Variants in GPAM observed in about 807,000 individuals in gnomAD.
The protein encoded by GPAM is glycerol-3-phosphate acyltransferase, mitochondrial, also known as glycerol-3-phosphate acyltransferase 1, mitochondrial.
GPAM carries 56 observed loss-of-function variants against 105.0 expected under a neutral mutation model. The observed-to-expected ratio is 0.53, with a 90% CI of 0.43 to 0.67. GPAM has a LOEUF of 0.67. Ranked by LOEUF, GPAM falls within the 30% of genes least tolerant of loss-of-function variation. The probability of loss-of-function intolerance (pLI) is 0.00; values close to 1 mark genes in which losing one functional copy is unlikely to be tolerated. For missense variants in GPAM, 855 were observed against 989.8 expected, an observed-to-expected ratio of 0.86 and a Z score of 1.83; for synonymous variants, 368 against 354.4, an observed-to-expected ratio of 1.04 and a Z score of -0.43.
chr10:112,185,566 A>C (rs1847583754), upstream of GPAM, among the ~76,000 whole-genome samples: 1 of 96,516 alleles, frequency 1.0e-5, no homozygotes, highest in Admixed American at 1.2e-4. Flanking sequence ...TAACACACAC[A>C]CACAGACACA....
intron 12 of GPAM, among the ~76,000 whole-genome samples, 172 bp downstream of exon 12, chr10:112,166,230 G>T (rs1048965641): frequency 3.9e-5 from 6 of 152,008 alleles, no homozygotes; most frequent in African/African-American, 1.5e-4. Flanking sequence ...TTTGTCAATA[G>T]GCAAATTTTG....
chr10:112,175,591 C>T lies in GPAM; in HGVS notation c.413+9G>A, dbSNP rs767080113. The T allele has an allele frequency of 5.4e-6, 8 of 1,470,950 alleles. No individual in the cohort carries two copies. The highest frequency in any genetic ancestry group is 2.3e-5 in the South Asian group (2 of 88,220). The allele number at this position is 1,470,950 out of a possible 1,614,324, so 91.1% of individuals were successfully genotyped here. ...CTCTTCCCACCTTTACACCTTGCCCCGCCCTTACCTACTGCTGTTCAGCAC... is the reference window on the plus strand; with the variant it reads ...CTCTTCCCACCTTTACACCTTGCCCTGCCCTTACCTACTGCTGTTCAGCAC... On this transcript the variant is annotated intron_variant, in intron 6 of 21. Transcript: ENST00000348367.
chr10:112,199,980 G>T (rs978160387), intron 1 of GPAM, among the ~76,000 whole-genome samples: 5 of 151,818 alleles, frequency 3.3e-5, no homozygotes, highest in African/African-American at 1.2e-4. Flanking sequence ...ACATCACATT[G>T]TACACCATAA....
intron 15 of GPAM, 147 bp from the exon 16 acceptor site, chr10:112,161,015 C>T (rs769688396): frequency 2.2e-4 from 151 of 689,158 alleles, no homozygotes; most frequent in Non-Finnish European, 1.5e-4. Context: ...AACACCAATG[C>T]AGAGCGAGTC....
At chr10:112,173,586 T>C (rs1457984107) in intron 7 of GPAM, 113 bp downstream of exon 7, 3 of 1,062,040 alleles carry the variant, frequency 2.8e-6, no homozygotes, top group Admixed American at 3.5e-5. Flanking sequence ...TCAGGATTCA[T>C]TAAAACATCT....
rs1016091294 is a variant in GPAM, at chr10:112,180,467, T to A, written c.225+6A>T. On this transcript the variant is annotated splice_donor_region_variant and intron_variant, in intron 4 of 21. Coordinates refer to ENST00000348367, the MANE Select transcript of GPAM (RefSeq NM_001244949.2). Reference sequence around the variant, plus strand: ...TATTAGGGTCAATAAGCAGTAAGGTTCTTACCCAGCTCTGGGGAGTGCAGG... The same window carrying A: ...TATTAGGGTCAATAAGCAGTAAGGTACTTACCCAGCTCTGGGGAGTGCAGG... 1.9e-6 allele frequency: 3 copies of A among 1,613,518 alleles called. No individual in the cohort carries two copies. The highest frequency in any genetic ancestry group is 2.5e-6 in the Non-Finnish European group (3 of 1,179,560).
rs1229438409 is a variant in GPAM at position 112,163,793 on chromosome 10, C to T, written c.1331G>A (p.Gly444Asp). The T allele has an allele frequency of 6.3e-7, 1 of 1,590,406 alleles. No homozygotes were observed. The highest frequency in any genetic ancestry group is 1.7e-5 in the Admixed American group (1 of 59,998). Residue 444 changes from glycine (G) to aspartate (D), a missense_variant, in exon 14 of 22, where the codon GGT (glycine) becomes GAT (aspartate). Coordinates refer to ENST00000348367, the MANE Select transcript of GPAM (RefSeq NM_001244949.2). ...PSRPSDAADEGRDTSINESRN... is the reference protein window; with the variant it reads ...PSRPSDAADEDRDTSINESRN... ...GGACTCATTAATGGACGTGTCTCTA[C>T]CTTCATCAGCAGCATCACTGGGTCT...
chr10:112,175,340 G>A (rs1847384124), intron 6 of GPAM, among the ~76,000 whole-genome samples: 1 of 152,164 alleles, frequency 6.6e-6, no homozygotes, highest in Non-Finnish European at 1.5e-5. Context: ...ACTCTTATTT[G>A]CCTTTCATGT....
At chr10:112,193,585 G>A (rs1365295639) in intron 1 of GPAM, among the ~76,000 whole-genome samples, 2 of 152,154 alleles carry the variant, frequency 1.3e-5, no homozygotes, top group African/African-American at 4.8e-5. Flanking sequence ...GGGAAACTGA[G>A]GCACCAGGAG....
At chr10:112,163,458 A>G (rs932755901) in intron 14 of GPAM, among the ~76,000 whole-genome samples, 16 of 151,146 alleles carry the variant, frequency 1.1e-4, no homozygotes, top group African/African-American at 3.6e-4. Flanking sequence ...AATAATAACT[A>G]TTTTTAAAAA....
At chr10:112,216,454 C>A (rs1847969602), upstream of GPAM, among the ~76,000 whole-genome samples, 1 of 152,012 alleles carries the variant, frequency 6.6e-6, no homozygotes. Context: ...TGGGCCTGTC[C>A]AAAGGAACCA....
In GPAM at chr10:112,158,374, T is replaced by G; in HGVS notation, c.1922A>C (p.Gln641Pro). Reference sequence around the variant, plus strand: ...CTTTCCTACTGTTTCATGGCAGACTTGGTAAAATGTCTGGCAAGGCTGAAA... The same window carrying G: ...CTTTCCTACTGTTTCATGGCAGACTGGGTAAAATGTCTGGCAAGGCTGAAA... ...TISLPCQTFY[Q>P]VCHETVGKFI... The change falls in exon 18 of 22, where the codon CAA (glutamine) becomes CCA (proline). Residue 641 changes from glutamine to proline, a missense_variant. Coordinates refer to ENST00000348367, the MANE Select transcript of GPAM (RefSeq NM_001244949.2). 1 of 1,602,126 alleles carries G rather than the reference T, an allele frequency of 6.2e-7. No homozygotes were observed. The highest frequency in any genetic ancestry group is 2.2e-5 in the East Asian group (1 of 44,828).
upstream of GPAM, among the ~76,000 whole-genome samples, chr10:112,186,928 A>G (rs1202384914): frequency 6.6e-6 from 1 of 152,226 alleles, no homozygotes; most frequent in Non-Finnish European, 1.5e-5. Flanking sequence ...ATGTACAAAT[A>G]AAATGTATGA....
At chr10:112,179,683 C>T (rs1001237448) in intron 4 of GPAM, among the ~76,000 whole-genome samples, 10 of 152,154 alleles carry the variant, frequency 6.6e-5, no homozygotes, top group African/African-American at 2.4e-4. Flanking sequence ...AATTACCTAG[C>T]CACACAAGTT....
chr10:112,150,682 T>C lies in GPAM; in HGVS notation c.*2868A>G. On this transcript the variant is annotated 3_prime_UTR_variant, in exon 22 of 22. Transcript: ENST00000348367. Reference sequence around the variant, plus strand: ...GTTTGGGCAATGCTGGGTTAGACAGTTTTTCACTACCGGATGCCAAGCCCT... The same window carrying C: ...GTTTGGGCAATGCTGGGTTAGACAGCTTTTCACTACCGGATGCCAAGCCCT... The C allele has an allele frequency of 1.1e-6, 1 of 935,206 alleles. No individual in the cohort carries two copies. Among genetic ancestry groups the C allele is most frequent in the South Asian group, 4.9e-5 (1 of 20,244 alleles). 57.9% of individuals were successfully genotyped at this position (935,206 alleles called of 1,614,324 possible). A position where few individuals can be genotyped will look rare whatever the true frequency, so the allele number is the denominator to read the frequency against.
chr10:112,154,741 A>C (rs1846984737), intron 20 of GPAM, 54 bp from the exon 21 acceptor site: 3 of 1,268,122 alleles, frequency 2.4e-6, no homozygotes, highest in Admixed American at 3.4e-5. Context: ...AAATCATGAC[A>C]ATCCCAGCAG....
At chr10:112,178,089 T>C (rs1847439507) in intron 4 of GPAM, 32 bp from the exon 5 acceptor site, 3 of 1,088,030 alleles carry the variant, frequency 2.8e-6, no homozygotes, top group East Asian at 4.7e-5. Context: ...TAGACATAAA[T>C]ACACAACTAG....
chr10:112,180,408 T>C, intron 4 of GPAM, 65 bp downstream of exon 4: 1 of 1,497,066 alleles, frequency 6.7e-7, no homozygotes, highest in Non-Finnish European at 9.3e-7. Context: ...TAAGACTGCC[T>C]ACTACAAAGT....
In GPAM at chr10:112,175,695, T is replaced by C; in HGVS notation, c.318A>G (p.Ala106=). 6.2e-7 allele frequency: 1 copy of C among 1,611,328 alleles called. No homozygotes were observed. Among genetic ancestry groups the C allele is most frequent in the Non-Finnish European group, 8.5e-7 (1 of 1,177,466 alleles). ...TAAAAAGAACGTAAGAAAGGCGTCT[T>C]GCAAGCCATCCGCGGTGTCTGTGAA... is the stretch of plus-strand genomic sequence containing the variant. ...ETHTRHRGWL[A]RRLSYVLFIQ... The change falls in exon 6 of 22, where the codon GCA becomes GCG. Residue 106 remains alanine (A), a synonymous_variant. Transcript: ENST00000348367.
Sources: allele counts gnomAD v4.1 joint callset (sites outside exome capture counted in the v4.1 genomes callset), GRCh38; gene constraint gnomAD v4.1.1; transcripts MANE v1.5; gene names NCBI Gene and HGNC (gene_info 2026-07-23, HGNC 2026-07-21).